The following SLC39A11 variants were observed in gnomAD, a reference collection of about 807,000 sequenced individuals.
SLC39A11 encodes the protein zinc transporter ZIP11.
Under a neutral mutation model 36.1 loss-of-function variants are expected in SLC39A11, and 33 were observed. The ratio of observed to expected loss-of-function variants is 0.91; its 90% confidence interval spans 0.69 to 1.22. The LOEUF (loss-of-function observed/expected upper bound fraction) is 1.22. Among genes scored for constraint, SLC39A11 ranks in the 50% most tolerant of loss-of-function variants. The pLI, the probability that SLC39A11 is intolerant of heterozygous loss-of-function variation, is 0.00. For missense variants in SLC39A11, 432 were observed against 430.3 expected, an observed-to-expected ratio of 1.00 and a Z score of -0.03; for synonymous variants, 166 against 170.3, an observed-to-expected ratio of 0.97 and a Z score of 0.20.
chr17:72,716,988 T>TAC (rs1396345913), intron 7 of SLC39A11, among the ~76,000 whole-genome samples: 5 of 126,890 alleles, frequency 3.9e-5, no homozygotes, highest in African/African-American at 1.7e-4. Flanking sequence ...AAAATATATA[T>TAC]ATATACACAC....
chr17:73,050,028 C>G (rs1599027924), intron 3 of SLC39A11, among the ~76,000 whole-genome samples: 1 of 151,982 alleles, frequency 6.6e-6, no homozygotes, highest in Admixed American at 6.5e-5. Flanking sequence ...GGCTGAGGCA[C>G]GAGAATCACT....
intron 7 of SLC39A11, among the ~76,000 whole-genome samples, chr17:72,709,746 C>T (rs1044340675): frequency 6.6e-6 from 1 of 152,138 alleles, no homozygotes; most frequent in Admixed American, 6.5e-5. Context: ...GTGAATGTCC[C>T]TTTTCACTTC....
At chr17:72,762,925 T>A (rs561906811) in intron 6 of SLC39A11, among the ~76,000 whole-genome samples, 3 of 152,324 alleles carry the variant, frequency 2.0e-5, no homozygotes, top group African/African-American at 7.2e-5. Context: ...GAGACCCACG[T>A]AGACCATTTG....
intron 6 of SLC39A11, among the ~76,000 whole-genome samples, chr17:72,806,388 AT>A (rs1192353401): frequency 6.6e-6 from 1 of 152,114 alleles, no homozygotes; most frequent in Non-Finnish European, 1.5e-5. Context: ...AGCCTTGTTT[AT>A]TGCTGGGGAG....
intron 3 of SLC39A11, among the ~76,000 whole-genome samples, chr17:73,075,455 C>T (rs996082097): frequency 1.3e-5 from 2 of 152,216 alleles, no homozygotes; most frequent in African/African-American, 4.8e-5. Flanking sequence ...TTACTCTCCC[C>T]AGACTTGTTT....
At chr17:72,931,687 T>C (rs6501584) in intron 5 of SLC39A11, among the ~76,000 whole-genome samples, 87,403 of 152,064 alleles carry the variant, frequency 0.57, 27,500 homozygotes, top group African/African-American at 0.85. Flanking sequence ...GTTACTCAAC[T>C]CAAACTTTCA....
rs550289809 is a variant in SLC39A11, at chr17:73,078,950, C to G, written c.147+5858G>C. Among the ~76,000 whole-genome samples, 13 of 152,110 alleles carry G rather than the reference C, an allele frequency of 8.5e-5. 1 individual carries two copies. In the East Asian group the frequency reaches 2.3e-3, roughly 27 times the overall value. On this transcript the variant is annotated intron_variant, in intron 3 of 9. Transcript: ENST00000255559. ...TTGCATGTTACATTTTACACACACA[C>G]ACACACAAATGCACCATAAGCAAAC...
At position 73,011,163 on chromosome 17, in the gene SLC39A11, T is replaced by C. The variant is rs955214381; in HGVS notation, c.306+20393A>G. ...AAATGAAACCAAGATATGGGGCAAG[T>C]CTGGAGAGCCTTGTGGGGAAGAAAT... On this transcript the variant is annotated intron_variant, in intron 4 of 9. Transcript: ENST00000255559. Among the ~76,000 whole-genome samples the C allele has an allele frequency of 2.0e-5, 3 of 152,030 alleles. No homozygotes were observed. In the East Asian group the frequency reaches 5.8e-4, roughly 29 times the overall value.
chr17:72,790,535 CTCT>C (rs1449662072), intron 6 of SLC39A11, among the ~76,000 whole-genome samples: 2 of 150,748 alleles, frequency 1.3e-5, no homozygotes, highest in Non-Finnish European at 3.0e-5. Flanking sequence ...CTCTCTCTCT[CTCT>C]TTTTTTTTTT....
chr17:73,056,758 T>C (rs1012592965), intron 3 of SLC39A11, among the ~76,000 whole-genome samples: 4 of 152,248 alleles, frequency 2.6e-5, no homozygotes, highest in South Asian at 2.1e-4. Flanking sequence ...TATCCTCCTA[T>C]CTACTCCTCT....
At chr17:72,770,799 C>T (rs1223196389) in intron 6 of SLC39A11, among the ~76,000 whole-genome samples, 1 of 152,216 alleles carries the variant, frequency 6.6e-6, no homozygotes, top group African/African-American at 2.4e-5. Flanking sequence ...CAAACACCTT[C>T]GAATTTGTCA....
At chr17:73,061,002 C>T (rs1401875530) in intron 3 of SLC39A11, among the ~76,000 whole-genome samples, 3 of 152,168 alleles carry the variant, frequency 2.0e-5, no homozygotes, top group East Asian at 1.9e-4. Flanking sequence ...AGGAGGCTCA[C>T]GGAAAAGATT....
chr17:72,686,435 C>T (rs576888474), intron 7 of SLC39A11, among the ~76,000 whole-genome samples: 2 of 152,334 alleles, frequency 1.3e-5, no homozygotes, highest in South Asian at 4.1e-4. Flanking sequence ...CTGTCCCGCT[C>T]CACCCGTCTC....
intron 4 of SLC39A11, among the ~76,000 whole-genome samples, chr17:72,985,315 C>T (rs141547872): frequency 1.0e-3 from 159 of 151,858 alleles, no homozygotes; most frequent in African/African-American, 3.4e-3. Flanking sequence ...ACTTTGCTGA[C>T]GGGACTAGCC....
intron 5 of SLC39A11, among the ~76,000 whole-genome samples, chr17:72,940,325 G>A (rs1237844959): frequency 4.0e-5 from 6 of 151,564 alleles, no homozygotes; most frequent in Non-Finnish European, 8.8e-5. Context: ...GCCCAGGCTG[G>A]AGTGCAATGG....
intron 6 of SLC39A11, among the ~76,000 whole-genome samples, chr17:72,773,494 A>T (rs2466504): frequency 0.66 from 100,244 of 152,088 alleles, 33,958 homozygotes; most frequent in Non-Finnish European, 0.75. Flanking sequence ...CCCTGTAAGA[A>T]GTGCCTTTCA....
rs1434493959 is a variant in SLC39A11, at chr17:72,754,041, TATATACACATACACACAC to T, written c.602-17340_602-17323del. 3.9e-3 allele frequency among the ~76,000 whole-genome samples: 211 copies of T among 54,538 alleles called. 3 individuals carry two copies. The highest frequency in any genetic ancestry group is 5.6e-3 in the Non-Finnish European group (130 of 23,376). 35.8% of individuals were successfully genotyped at this position (54,538 alleles called of 152,430 possible). On this transcript the variant is annotated intron_variant, in intron 6 of 9. Transcript: ENST00000255559. ...ATATGTATATATATATATATATATA[TATATACACATACACACAC>T]ACACACACACACACACACACACACA...
chr17:72,695,042 T>C (rs1440982331), intron 7 of SLC39A11, among the ~76,000 whole-genome samples: 1 of 152,214 alleles, frequency 6.6e-6, no homozygotes, highest in Admixed American at 6.5e-5. Context: ...CCTTTCTTTC[T>C]GCTGGTATGC....
At chr17:72,939,073 T>C (rs536281478) in intron 5 of SLC39A11, among the ~76,000 whole-genome samples, 34 of 152,334 alleles carry the variant, frequency 2.2e-4, no homozygotes, top group Non-Finnish European at 4.4e-4. Flanking sequence ...TCCTGAAGTC[T>C]GGTCACGGAG....
Sources: gnomAD v4.1 joint callset for allele counts (sites outside exome capture counted in the v4.1 genomes callset) on GRCh38, gnomAD v4.1.1 for gene constraint, MANE v1.5 for transcripts, NCBI Gene and HGNC (gene_info 2026-07-23, HGNC 2026-07-21) for gene names.